PTPRN2: variants seen among roughly 807,000 people sequenced by gnomAD.
PTPRN2 encodes the protein protein tyrosine phosphatase receptor type N2.
A neutral mutation model predicts 118.8 loss-of-function variants in PTPRN2; 74 were observed. The ratio of observed to expected loss-of-function variants is 0.62; its 90% CI spans 0.52 to 0.76. The LOEUF is 0.76. Ranked by LOEUF, PTPRN2 falls within the 30% of genes least tolerant of loss-of-function variation. The probability of loss-of-function intolerance (pLI) is 0.00; values close to 1 mark genes in which losing one functional copy is unlikely to be tolerated. For synonymous variants in PTPRN2, 641 were observed against 608.0 expected, an observed-to-expected ratio of 1.05 and a Z score of -0.80; for missense variants, 1,481 against 1,394.4, an observed-to-expected ratio of 1.06 and a Z score of -0.99.
chr7:157,731,278 C>A lies in PTPRN2; in HGVS notation c.1789-48341G>T, dbSNP rs550321890. On this transcript the variant is annotated intron_variant, in intron 12 of 22. Transcript: ENST00000389418. ...CGAGGTGCCTTCCTGAAGGTCTGCA[C>A]CAGGCAGAAAGCCCTGTTACAGCCT... is the stretch of plus-strand genomic sequence containing the variant. Among the ~76,000 whole-genome samples the A allele has an allele frequency of 5.3e-5, 8 of 152,324 alleles. No individual in the cohort carries two copies. The South Asian group carries it at 1.7e-3, about 32-fold the overall frequency.
At chr7:158,153,908 G>A (rs73173633) in intron 6 of PTPRN2, among the ~76,000 whole-genome samples, 13,211 of 151,826 alleles carry the variant, frequency 0.087, 617 homozygotes, top group Non-Finnish European at 0.097. Context: ...TCGCTCGGAA[G>A]GCAGGTACAG....
intron 3 of PTPRN2, among the ~76,000 whole-genome samples, chr7:158,275,017 T>A (rs919954573): frequency 6.6e-6 from 1 of 152,156 alleles, no homozygotes; most frequent in African/African-American, 2.4e-5. Context: ...TAGGGAGCAC[T>A]TTCTGATTGT....
At chr7:158,385,946 GCT>G (rs1170040501) in intron 2 of PTPRN2, among the ~76,000 whole-genome samples, 70 of 146,550 alleles carry the variant, frequency 4.8e-4, no homozygotes, top group African/African-American at 1.6e-3. Flanking sequence ...CTCCTCCTGT[GCT>G]CTGAGTCCCT....
At chr7:157,871,758 C>T (rs1811062637) in intron 12 of PTPRN2, among the ~76,000 whole-genome samples, 1 of 128,732 alleles carries the variant, frequency 7.8e-6, no homozygotes, top group Non-Finnish European at 1.6e-5. Context: ...CACACATATG[C>T]ACACATACAC....
At chr7:157,916,270 G>A (rs1798387841) in intron 11 of PTPRN2, among the ~76,000 whole-genome samples, 1 of 152,142 alleles carries the variant, frequency 6.6e-6, no homozygotes, top group African/African-American at 2.4e-5. Context: ...TGGGTCAGAG[G>A]GTCTCACCCC....
chr7:157,980,246 G>A (rs1422506182), intron 11 of PTPRN2, among the ~76,000 whole-genome samples: 1 of 152,228 alleles, frequency 6.6e-6, no homozygotes, highest in Non-Finnish European at 1.5e-5. Flanking sequence ...TAGGCAGGCT[G>A]CACACCAGAG....
chr7:157,659,790 G>A (rs1399823660), intron 13 of PTPRN2, among the ~76,000 whole-genome samples: 1 of 151,790 alleles, frequency 6.6e-6, no homozygotes, highest in Non-Finnish European at 1.5e-5. Flanking sequence ...TGTCTCCCAG[G>A]CTGGAGTGGA....
In PTPRN2 at chr7:157,808,858, A is replaced by G. The variant is rs949298408; in HGVS notation, c.1788+89815T>C. 5.9e-5 allele frequency among the ~76,000 whole-genome samples: 9 copies of G among 152,132 alleles called. No individual in the cohort carries two copies. The highest frequency in any genetic ancestry group is 1.2e-4 in the African/African-American group (5 of 41,420). ...CTCTTTTGGATTAAGCATCTATAAG[A>G]TTCAGTTGTTGCCTTGGACGATTCA... On this transcript the variant is annotated intron_variant, in intron 12 of 22. Transcript: ENST00000389418. The surrounding 1 kb of genome is among the most constrained non-coding windows in gnomAD (Gnocchi z 5.0).
At chr7:157,594,873 G>A (rs1345559873) in intron 17 of PTPRN2, among the ~76,000 whole-genome samples, 1 of 152,218 alleles carries the variant, frequency 6.6e-6, no homozygotes, top group Non-Finnish European at 1.5e-5. Context: ...GATGACAGAG[G>A]ATGTACTTGG....
At chr7:157,549,629 C>T (rs767110248) in intron 21 of PTPRN2, among the ~76,000 whole-genome samples, 31 of 152,224 alleles carry the variant, frequency 2.0e-4, no homozygotes, top group Non-Finnish European at 8.8e-5. Context: ...GCTGGCTGCA[C>T]TCAAATCATG....
chr7:157,632,916 G>A lies in PTPRN2; in HGVS notation c.2197-11407C>T, dbSNP rs1328452870. 1.3e-5 allele frequency among the ~76,000 whole-genome samples: 2 copies of A among 152,156 alleles called. No individual in the cohort carries two copies. The highest frequency in any genetic ancestry group is 2.1e-4 in the South Asian group (1 of 4,820). ...AAAAGAGGTCTGCTTGGCATTCTAA[G>A]TGAAATGTGAATGCCTCATCTGGTT... On this transcript the variant is annotated intron_variant, in intron 14 of 22. Transcript: ENST00000389418. This position sits in a 1 kb window ranked among gnomAD's most constrained non-coding sequence, Gnocchi z 4.3.
chr7:158,114,151 G>A (rs7777842), intron 9 of PTPRN2, among the ~76,000 whole-genome samples: 103,122 of 152,142 alleles, frequency 0.68, 35,093 homozygotes, highest in Admixed American at 0.73. Flanking sequence ...CAATGGAAAG[G>A]TGAGGCTGCA....
chr7:157,642,782 C>T (rs1804753825), intron 14 of PTPRN2, among the ~76,000 whole-genome samples: 1 of 116,732 alleles, frequency 8.6e-6, no homozygotes, highest in Non-Finnish European at 1.6e-5. Context: ...CATTCACACA[C>T]TATAAGAAGG....
Position 157,778,668 on chromosome 7 carries a change from C to T in PTPRN2, c.1789-95731G>A, listed in dbSNP as rs116974191. Among the ~76,000 whole-genome samples the T allele has an allele frequency of 3.1e-3, 471 of 151,312 alleles. 3 individuals carry two copies. Among genetic ancestry groups the T allele is most frequent in the Non-Finnish European group, 5.0e-3 (340 of 67,878 alleles). On this transcript the variant is annotated intron_variant, in intron 12 of 22. Coordinates refer to ENST00000389418, the MANE Select transcript of PTPRN2 (RefSeq NM_002847.5). Reference sequence around the variant, plus strand: ...CATGAATACAGGCACTGGATGCCCACGTAAACATGTCCATGTGAATACATG... The same window carrying T: ...CATGAATACAGGCACTGGATGCCCATGTAAACATGTCCATGTGAATACATG...
At chr7:158,076,930 G>A (rs1206058437) in intron 11 of PTPRN2, among the ~76,000 whole-genome samples, 1 of 152,224 alleles carries the variant, frequency 6.6e-6, no homozygotes, top group Non-Finnish European at 1.5e-5. Flanking sequence ...AATCCGCACG[G>A]AGCGGACCAG....
intron 17 of PTPRN2, among the ~76,000 whole-genome samples, chr7:157,582,212 G>A (rs565164789): frequency 2.0e-5 from 3 of 152,166 alleles, no homozygotes; most frequent in African/African-American, 4.8e-5. Context: ...TGGCCACCCC[G>A]CCTACGCTTC....
chr7:158,179,585 C>A (rs529474561), intron 5 of PTPRN2, among the ~76,000 whole-genome samples: 17 of 152,254 alleles, frequency 1.1e-4, no homozygotes, highest in Admixed American at 7.8e-4. Context: ...AGATTTTTTC[C>A]TACTTAATCT....
At chr7:158,458,859 C>A (rs1323183217) in intron 2 of PTPRN2, among the ~76,000 whole-genome samples, 1 of 152,190 alleles carries the variant, frequency 6.6e-6, no homozygotes, top group Non-Finnish European at 1.5e-5. Context: ...GTGGACACAC[C>A]TTTGATCCCA....
At position 158,015,090 on chromosome 7, in the gene PTPRN2, G is replaced by A. The variant is rs185388835; in HGVS notation, c.1723+66208C>T. Among the ~76,000 whole-genome samples the A allele has an allele frequency of 6.6e-6, 1 of 152,278 alleles. No homozygotes were observed. Among genetic ancestry groups the A allele is most frequent in the Admixed American group, 6.5e-5 (1 of 15,292 alleles). Reference sequence around the variant, plus strand: ...TCTTGCAAATCCCTCAGATAAAAGTGGGTTGCTGAAATGAGAGGCTCAGAT... The same window carrying A: ...TCTTGCAAATCCCTCAGATAAAAGTAGGTTGCTGAAATGAGAGGCTCAGAT... On this transcript the variant is annotated intron_variant, in intron 11 of 22. Coordinates refer to ENST00000389418, the MANE Select transcript of PTPRN2 (RefSeq NM_002847.5). The surrounding 1 kb of genome is among the most constrained non-coding windows in gnomAD (Gnocchi z 4.2).
Sources: gnomAD v4.1 joint callset for allele counts (sites outside exome capture counted in the v4.1 genomes callset) on GRCh38, gnomAD v4.1.1 for gene constraint, Gnocchi (gnomAD v3.1) non-coding constraint, MANE v1.5 for transcripts, NCBI Gene and HGNC (gene_info 2026-07-23, HGNC 2026-07-21) for gene names.